MKLN1: variants seen among roughly 807,000 people sequenced by gnomAD.
MKLN1 encodes the protein muskelin 1, also known as muskelin.
MKLN1 carries 18 observed loss-of-function variants against 99.0 expected under a neutral mutation model. The observed-to-expected ratio is 0.18, with a 90% CI of 0.13 to 0.27. The LOEUF (loss-of-function observed/expected upper bound fraction) is 0.27. Ranked by LOEUF, MKLN1 falls within the 10% of genes least tolerant of loss-of-function variation. MKLN1 has a pLI of 1.00. For synonymous variants in MKLN1, 288 were observed against 293.2 expected (o/e 0.98, Z 0.18); for missense variants, 621 against 875.9 (o/e 0.71, Z 3.67).
At chr7:131,339,805 C>G (rs1054501685) in intron 1 of MKLN1, among the ~76,000 whole-genome samples, 1 of 151,688 alleles carries the variant, frequency 6.6e-6, no homozygotes, top group Non-Finnish European at 1.5e-5. Context: ...TTTATGGAAT[C>G]TTATATTTAT....
chr7:131,135,248 G>A (rs1169669979), intron 1 of MKLN1, among the ~76,000 whole-genome samples: 2 of 152,038 alleles, frequency 1.3e-5, no homozygotes, highest in Non-Finnish European at 2.9e-5. Flanking sequence ...TCAGCCTCCC[G>A]AGTAGCTGGG....
intron 4 of MKLN1, among the ~76,000 whole-genome samples, chr7:131,393,162 TGGGGAAAACTGATGACTGAATC>T (rs1157980288): frequency 6.6e-6 from 1 of 152,162 alleles, no homozygotes; most frequent in Non-Finnish European, 1.5e-5. Flanking sequence ...GATTGTCCAA[TGGGGAAAACTGATGACTGAATC>T]CTAGAATACA....
intron 10 of MKLN1, among the ~76,000 whole-genome samples, chr7:131,440,769 A>G (rs1302790958): frequency 6.6e-6 from 1 of 152,194 alleles, no homozygotes; most frequent in Non-Finnish European, 1.5e-5. Context: ...AATGGAAAAA[A>G]CAAATATTTA....
intron 12 of MKLN1, among the ~76,000 whole-genome samples, chr7:131,452,505 A>G (rs1483248642): frequency 1.4e-5 from 2 of 146,280 alleles, no homozygotes; most frequent in Admixed American, 1.4e-4. Context: ...TTAAAAAATT[A>G]GTATGGTCAT....
intron 3 of MKLN1, among the ~76,000 whole-genome samples, chr7:131,240,941 T>C (rs193145371): frequency 1.8e-4 from 27 of 152,376 alleles, no homozygotes; most frequent in Admixed American, 2.0e-4. Context: ...AAGAGTGATT[T>C]AAGCTTAGAA....
intron 2 of MKLN1, among the ~76,000 whole-genome samples, chr7:131,191,248 T>G (rs902824309): frequency 6.6e-6 from 1 of 152,198 alleles, no homozygotes; most frequent in African/African-American, 2.4e-5. Flanking sequence ...GTGGATCTCT[T>G]GAGATGTGGG....
intron 7 of MKLN1, among the ~76,000 whole-genome samples, chr7:131,412,953 A>G (rs1311120257): frequency 3.9e-5 from 6 of 152,212 alleles, no homozygotes; most frequent in African/African-American, 1.4e-4. Flanking sequence ...TCAGTCATGT[A>G]TGAGGTAATT....
intron 1 of MKLN1, among the ~76,000 whole-genome samples, chr7:131,360,580 ACTCTT>A (rs1451394170): frequency 6.6e-6 from 1 of 151,570 alleles, no homozygotes; most frequent in Admixed American, 6.6e-5. Flanking sequence ...AGTATTTCCT[ACTCTT>A]CTCTTGTATC....
At chr7:131,245,627 A>G (rs1228698150) in intron 3 of MKLN1, among the ~76,000 whole-genome samples, 1 of 152,116 alleles carries the variant, frequency 6.6e-6, no homozygotes, top group East Asian at 1.9e-4. Context: ...ATATGCTTTG[A>G]TACACAAATA....
intron 6 of MKLN1, among the ~76,000 whole-genome samples, chr7:131,400,400 TTGA>T: frequency 6.6e-6 from 1 of 151,726 alleles, no homozygotes; most frequent in Non-Finnish European, 1.5e-5. Context: ...GCTTACTTGA[TTGA>T]TGATGATACT....
intron 12 of MKLN1, among the ~76,000 whole-genome samples, chr7:131,458,853 T>C (rs1200551645): frequency 3.9e-5 from 6 of 152,200 alleles, no homozygotes; most frequent in Non-Finnish European, 8.8e-5. Context: ...TGTTATTCCA[T>C]TGTATTCTAG....
At chr7:131,317,363 T>C (rs180829496) in intron 3 of MKLN1, among the ~76,000 whole-genome samples, 1 of 152,288 alleles carries the variant, frequency 6.6e-6, no homozygotes, top group Non-Finnish European at 1.5e-5. Flanking sequence ...CTAAGCTTCT[T>C]AAGCAAAGGA....
chr7:131,152,493 C>CTTTTTTTTTTTTTTTTTTTTTTTTT (rs556839203), intron 2 of MKLN1, among the ~76,000 whole-genome samples: 1 of 132,094 alleles, frequency 7.6e-6, no homozygotes, highest in African/African-American at 2.7e-5. Flanking sequence ...GTTGTTGTTT[C>CTTTTTTTTTTTTTTTTTTTTTTTTT]TTTTTTTCTT....
chr7:131,131,720 C>T (rs1186064261), intron 1 of MKLN1, among the ~76,000 whole-genome samples: 2 of 152,056 alleles, frequency 1.3e-5, no homozygotes, highest in Non-Finnish European at 1.5e-5. Context: ...CTGTTATGCT[C>T]AAATTTTTTT....
intron 8 of MKLN1, among the ~76,000 whole-genome samples, chr7:131,422,000 G>C (rs1795208561): frequency 6.6e-6 from 1 of 152,202 alleles, no homozygotes; most frequent in African/African-American, 2.4e-5. Context: ...GGTAGGTTTA[G>C]TAGTGAAGAA....
chr7:131,150,186 A>G (rs57349854), intron 2 of MKLN1, among the ~76,000 whole-genome samples: 4,760 of 152,266 alleles, frequency 0.031, 85 homozygotes, highest in East Asian at 0.098. Flanking sequence ...AACGCTCTCA[A>G]TCACCATTGT....
chr7:131,473,887 G>A (rs1053527385), intron 16 of MKLN1, among the ~76,000 whole-genome samples: 1 of 152,170 alleles, frequency 6.6e-6, no homozygotes, highest in African/African-American at 2.4e-5. Context: ...AGTGGTTCAC[G>A]CCTGTAATCC....
At chr7:131,427,247 A>G (rs1795383691) in intron 8 of MKLN1, among the ~76,000 whole-genome samples, 1 of 152,206 alleles carries the variant, frequency 6.6e-6, no homozygotes. Flanking sequence ...TTGAAATTAT[A>G]TGCAGATATG....
chr7:131,329,313 G>A (rs1250291414), intron 1 of MKLN1, among the ~76,000 whole-genome samples: 1 of 152,170 alleles, frequency 6.6e-6, no homozygotes, highest in Non-Finnish European at 1.5e-5. Context: ...CCAATGAAGG[G>A]TGCCAAGTGA....
Sources: allele counts gnomAD v4.1 joint callset (sites outside exome capture counted in the v4.1 genomes callset), GRCh38; gene constraint gnomAD v4.1.1; transcripts MANE v1.5; gene names NCBI Gene and HGNC (gene_info 2026-07-23, HGNC 2026-07-21).